The following CLVS1 variants were observed in gnomAD, a reference collection of about 807,000 sequenced individuals.
The protein encoded by CLVS1 is clavesin 1, also known as clavesin-1.
In CLVS1, 10 loss-of-function variants were observed where a neutral mutation model predicts 33.1. The observed-to-expected ratio is 0.30, with a 90% confidence interval of 0.19 to 0.51. CLVS1 has a LOEUF of 0.51. Ranked by LOEUF, CLVS1 falls within the 20% of genes least tolerant of loss-of-function variation. The pLI is 0.97. For missense variants in CLVS1, 343 were observed against 433.4 expected (o/e 0.79, Z 1.85); for synonymous variants, 163 against 166.1 (o/e 0.98, Z 0.14).
chr8:61,162,433 C>T (rs530317041), intron 2 of CLVS1, among the ~76,000 whole-genome samples: 1 of 152,334 alleles, frequency 6.6e-6, no homozygotes, highest in South Asian at 2.1e-4. Flanking sequence ...ACCACTCTTG[C>T]TCCTTTGGAA....
chr8:60,965,063 T>C, the CLVS1 span, among the ~76,000 whole-genome samples: 2 of 152,096 alleles, frequency 1.3e-5, no homozygotes, highest in African/African-American at 4.8e-5. Context: ...GTTGCAAGAT[T>C]GTGAGGTTGC....
chr8:61,145,221 T>C (rs1484300225), intron 2 of CLVS1, among the ~76,000 whole-genome samples: 1 of 152,204 alleles, frequency 6.6e-6, no homozygotes, highest in Admixed American at 6.5e-5. Context: ...AAAGGGCTAA[T>C]ATCCAGAATC....
the CLVS1 span, among the ~76,000 whole-genome samples, chr8:61,015,187 C>T: frequency 2.0e-5 from 3 of 152,228 alleles, no homozygotes; most frequent in Admixed American, 6.5e-5. Context: ...GCGCTTCAAG[C>T]TTGTAGTAGG....
At chr8:61,131,639 T>C (rs1806100302) in intron 1 of CLVS1, 1 of 151,824 alleles carries the variant, frequency 6.6e-6, no homozygotes, top group Non-Finnish European at 1.5e-5. Flanking sequence ...GGGCATTTAC[T>C]TAATGCAAAG....
intron 5 of CLVS1, among the ~76,000 whole-genome samples, chr8:61,485,329 C>T (rs1256678036): frequency 1.3e-5 from 2 of 152,120 alleles, no homozygotes. Flanking sequence ...ATGCAGTCAA[C>T]AGACACATGA....
intron 2 of CLVS1, among the ~76,000 whole-genome samples, chr8:61,345,804 A>T (rs943900288): frequency 2.0e-5 from 3 of 152,018 alleles, no homozygotes; most frequent in African/African-American, 4.8e-5. Flanking sequence ...TCCTACCTGG[A>T]GAGGGCTGTA....
At chr8:61,478,529 A>G (rs555799287) in intron 5 of CLVS1, among the ~76,000 whole-genome samples, 2 of 152,318 alleles carry the variant, frequency 1.3e-5, no homozygotes, top group South Asian at 4.1e-4. Context: ...TATTTAGGAT[A>G]GTTAGTTCTT....
chr8:61,470,083 T>G (rs1292259414), intron 5 of CLVS1, among the ~76,000 whole-genome samples: 3 of 152,210 alleles, frequency 2.0e-5, no homozygotes, highest in Non-Finnish European at 4.4e-5. Context: ...TCTTAAAGAT[T>G]GAAGAAAAAT....
chr8:61,463,202 C>T (rs546136942), intron 5 of CLVS1, among the ~76,000 whole-genome samples: 1 of 152,330 alleles, frequency 6.6e-6, no homozygotes, highest in South Asian at 2.1e-4. Flanking sequence ...TCTCAACCTT[C>T]ATGAAATTGA....
At chr8:61,402,379 T>C (rs113943336) in intron 3 of CLVS1, among the ~76,000 whole-genome samples, 3,144 of 152,152 alleles carry the variant, frequency 0.021, 92 homozygotes, top group African/African-American at 0.071. Context: ...ATCCTTATAC[T>C]CCTCACCCAC....
rs148453129 is a variant in CLVS1 at position 61,458,422 on chromosome 8, C to G, written c.857C>G (p.Thr286Arg). The G allele has an allele frequency of 1.2e-6, 2 of 1,614,000 alleles. No homozygotes were observed. The highest frequency in any genetic ancestry group is 2.7e-5 in the African/African-American group (2 of 75,014). ...PPYDMGTWAR[T>R]LLGPDYSDEN... is the part of the protein sequence containing the mutation. ...TATGACATGGGAACTTGGGCCCGGA[C>G]GTTACTCGGTCCCGACTACAGCGAT... is the stretch of plus-strand genomic sequence containing the variant. Residue 286 changes from threonine to arginine, a missense_variant, in exon 5 of 6, where the codon ACG (threonine) becomes AGG (arginine). Physicochemically the swap from Thr to Arg is moderately conservative, Grantham distance 71 (BLOSUM62 -1). Around this residue, in one of 4 missense-constraint regions of CLVS1, gnomAD observed 86 missense variants for 95.0 expected, o/e 0.91. Transcript: ENST00000325897.
At chr8:61,194,325 G>C (rs1807557737) in intron 2 of CLVS1, among the ~76,000 whole-genome samples, 1 of 151,870 alleles carries the variant, frequency 6.6e-6, no homozygotes, top group Non-Finnish European at 1.5e-5. Flanking sequence ...TAAAAATTAA[G>C]GTTAAGGAAA....
chr8:61,185,070 T>C (rs1807315954), intron 2 of CLVS1, among the ~76,000 whole-genome samples: 1 of 152,180 alleles, frequency 6.6e-6, no homozygotes, highest in Non-Finnish European at 1.5e-5. Flanking sequence ...ATACTATGTA[T>C]AGATTTGTAA....
intron 2 of CLVS1, among the ~76,000 whole-genome samples, chr8:61,230,694 C>T (rs17766175): frequency 0.078 from 11,851 of 152,206 alleles, 855 homozygotes; most frequent in African/African-American, 0.19. Context: ...TTGAGCTGAG[C>T]AGGATTAGCC....
chr8:61,399,040 G>A (rs1276809357), intron 3 of CLVS1, among the ~76,000 whole-genome samples: 2 of 152,140 alleles, frequency 1.3e-5, no homozygotes, highest in Non-Finnish European at 2.9e-5. Context: ...ATAATACAAT[G>A]ATTTACATTC....
At chr8:61,422,233 G>T (rs902934157) in intron 3 of CLVS1, among the ~76,000 whole-genome samples, 1 of 152,108 alleles carries the variant, frequency 6.6e-6, no homozygotes, top group Non-Finnish European at 1.5e-5. Flanking sequence ...ATGTCAATGG[G>T]CATATACATA....
At chr8:61,334,687 G>A (rs913145294) in intron 2 of CLVS1, among the ~76,000 whole-genome samples, 6 of 152,182 alleles carry the variant, frequency 3.9e-5, no homozygotes, top group African/African-American at 1.4e-4. Flanking sequence ...GTGATACAGA[G>A]GAGAGGCACT....
At chr8:61,440,696 G>A (rs567191293) in intron 3 of CLVS1, among the ~76,000 whole-genome samples, 24 of 152,324 alleles carry the variant, frequency 1.6e-4, no homozygotes, top group African/African-American at 5.8e-4. Flanking sequence ...TTGCCAAAGA[G>A]TTAGAACTGT....
At chr8:61,471,622 A>C (rs1270961448) in intron 5 of CLVS1, among the ~76,000 whole-genome samples, 1 of 152,118 alleles carries the variant, frequency 6.6e-6, no homozygotes, top group Non-Finnish European at 1.5e-5. Flanking sequence ...GGGCCACAGA[A>C]AGCAAAGCCA....
Sources: gnomAD v4.1 joint callset for allele counts (sites outside exome capture counted in the v4.1 genomes callset) on GRCh38, gnomAD v4.1.1 for gene constraint, gnomAD v4.1.1 regional missense constraint, MANE v1.5 for transcripts, NCBI Gene and HGNC (gene_info 2026-07-23, HGNC 2026-07-21) for gene names.